RBFOX1: variants seen among roughly 807,000 people sequenced by gnomAD.
RBFOX1 encodes the protein RNA binding fox-1 homolog 1.
RBFOX1 carries 8 observed loss-of-function variants against 57.7 expected under a neutral mutation model. That is an observed-to-expected ratio of 0.14 (90% CI 0.08 to 0.25). The LOEUF is 0.25. Ranked by LOEUF, RBFOX1 falls within the 10% of genes least tolerant of loss-of-function variation. RBFOX1 has a pLI of 1.00. For missense variants in RBFOX1, 611 were observed against 548.5 expected (o/e 1.11, Z -1.14); for synonymous variants, 326 against 222.4 (o/e 1.47, Z -4.15).
intron 1 of RBFOX1, among the ~76,000 whole-genome samples, chr16:6,222,368 C>G (rs986170417): frequency 6.6e-6 from 1 of 151,904 alleles, no homozygotes; most frequent in South Asian, 2.1e-4. Flanking sequence ...TTTCTGGAGA[C>G]AAAAACATAA....
chr16:6,937,837 C>G (rs966786001), intron 3 of RBFOX1, among the ~76,000 whole-genome samples: 1 of 151,674 alleles, frequency 6.6e-6, no homozygotes, highest in East Asian at 1.9e-4. Context: ...GACTTAAGGT[C>G]TGTGTTGATG....
chr16:5,644,848 C>A (rs1215887499), intron 3 of RBFOX1, among the ~76,000 whole-genome samples: 1 of 152,110 alleles, frequency 6.6e-6, no homozygotes, highest in East Asian at 1.9e-4. Flanking sequence ...CCGCCATGAA[C>A]GTTCATGTGC....
Position 6,998,498 on chromosome 16 carries a change from A to C in RBFOX1, c.-15-53559A>C, listed in dbSNP as rs569832447. On this transcript the variant is annotated intron_variant, in intron 3 of 15. Coordinates refer to ENST00000550418, the MANE Select transcript of RBFOX1 (RefSeq NM_018723.4). ...AAAAGATGATGTCAGAGCTCTTGGC[A>C]ATGACTTGGCCCTACCAGAAGCAAG... Among the ~76,000 whole-genome samples the C allele has an allele frequency of 2.6e-5, 4 of 152,310 alleles. No homozygotes were observed. The South Asian group carries it at 8.3e-4, about 32-fold the overall frequency.
chr16:7,635,381 C>T (rs181772260), intron 11 of RBFOX1, among the ~76,000 whole-genome samples: 1 of 152,130 alleles, frequency 6.6e-6, no homozygotes, highest in Non-Finnish European at 1.5e-5. Flanking sequence ...TTTTAAATTA[C>T]AATAGTAACA....
rs1251343536 is a variant in RBFOX1 at position 7,265,958 on chromosome 16, G to T, written c.27+213860G>T. 1.2e-4 allele frequency among the ~76,000 whole-genome samples: 13 copies of T among 107,596 alleles called. 1 individual carries two copies. Among genetic ancestry groups the T allele is most frequent in the Admixed American group, 1.9e-4 (2 of 10,474 alleles). The allele number at this position is 107,596 out of a possible 152,430, so 70.6% of individuals were successfully genotyped here. On this transcript the variant is annotated intron_variant, in intron 4 of 15. Coordinates refer to ENST00000550418, the MANE Select transcript of RBFOX1 (RefSeq NM_018723.4). ...GTGAGTGAGTTATGAGATCTGGTGG[G>T]TTTTTGTTTTTTTTTTTTTTTTTTT...
intron 4 of RBFOX1, among the ~76,000 whole-genome samples, chr16:7,352,973 C>A (rs2097154478): frequency 6.6e-6 from 1 of 152,076 alleles, no homozygotes; most frequent in African/African-American, 2.4e-5. Flanking sequence ...GGCTTGGCCT[C>A]CCAAAGTGCT....
At chr16:5,764,548 T>C (rs1361871038) in intron 3 of RBFOX1, among the ~76,000 whole-genome samples, 1 of 152,218 alleles carries the variant, frequency 6.6e-6, no homozygotes, top group Admixed American at 6.5e-5. Context: ...CCCTGATTTC[T>C]CTAAGATGCT....
intron 3 of RBFOX1, among the ~76,000 whole-genome samples, chr16:6,938,914 A>G (rs1164678391): frequency 1.3e-5 from 2 of 152,228 alleles, no homozygotes; most frequent in East Asian, 1.9e-4. Context: ...CCTGGGTGAC[A>G]TAGTGAGAGT....
chr16:7,011,759 C>T (rs1004107301), intron 3 of RBFOX1, among the ~76,000 whole-genome samples: 2 of 152,196 alleles, frequency 1.3e-5, no homozygotes, highest in African/African-American at 4.8e-5. Flanking sequence ...CGTGATCCGC[C>T]TGCCTTGGCC....
chr16:7,561,308 A>G (rs1045188582), intron 5 of RBFOX1, among the ~76,000 whole-genome samples: 2 of 152,212 alleles, frequency 1.3e-5, no homozygotes, highest in African/African-American at 4.8e-5. Context: ...ATGATGCCCA[A>G]CTATTCACTC....
At chr16:6,325,829 A>G (rs2082309560) in intron 2 of RBFOX1, among the ~76,000 whole-genome samples, 1 of 152,212 alleles carries the variant, frequency 6.6e-6, no homozygotes, top group African/African-American at 2.4e-5. Context: ...ATTTTCCTAA[A>G]ATATATGCCT....
chr16:7,019,773 C>T (rs906424830), intron 3 of RBFOX1, among the ~76,000 whole-genome samples: 1 of 152,186 alleles, frequency 6.6e-6, no homozygotes, highest in African/African-American at 2.4e-5. Context: ...CCAGGTTTAG[C>T]TTGTACAAGG....
At chr16:6,281,015 G>T (rs1284202470) in intron 1 of RBFOX1, among the ~76,000 whole-genome samples, 1 of 150,412 alleles carries the variant, frequency 6.6e-6, no homozygotes, top group East Asian at 2.0e-4. Flanking sequence ...ATATATATAT[G>T]TATTACATAT....
intron 4 of RBFOX1, among the ~76,000 whole-genome samples, chr16:7,444,895 G>A (rs2098796532): frequency 6.6e-6 from 1 of 152,148 alleles, no homozygotes; most frequent in Admixed American, 6.5e-5. Context: ...TAGATAGACA[G>A]TTACTACGCG....
intron 2 of RBFOX1, among the ~76,000 whole-genome samples, chr16:6,649,059 T>C (rs1451523778): frequency 6.6e-6 from 1 of 152,208 alleles, no homozygotes; most frequent in Non-Finnish European, 1.5e-5. Flanking sequence ...TTATTCCTCC[T>C]GTCTCACTGA....
intron 1 of RBFOX1, among the ~76,000 whole-genome samples, chr16:6,281,056 C>A (rs1160306115): frequency 6.6e-6 from 1 of 151,640 alleles, no homozygotes; most frequent in African/African-American, 2.4e-5. Flanking sequence ...TGCAGGTCTG[C>A]TTTGGAGATG....
intron 3 of RBFOX1, among the ~76,000 whole-genome samples, chr16:5,719,420 C>T (rs1227051174): frequency 2.0e-5 from 3 of 151,628 alleles, no homozygotes; most frequent in African/African-American, 4.9e-5. Flanking sequence ...CCATGTTCGC[C>T]AGGATGGTCT....
chr16:6,601,588 C>G (rs1601154729), intron 2 of RBFOX1, among the ~76,000 whole-genome samples: 3 of 152,114 alleles, frequency 2.0e-5, no homozygotes, highest in Admixed American at 2.0e-4. Context: ...TGTAAAAGGA[C>G]CACTGTTCCT....
intron 4 of RBFOX1, among the ~76,000 whole-genome samples, chr16:7,341,212 C>A (rs774633761): frequency 6.6e-6 from 1 of 152,128 alleles, no homozygotes; most frequent in African/African-American, 2.4e-5. Context: ...CTGCTGAGCC[C>A]TAAGAGATGC....
Sources: allele counts gnomAD v4.1 joint callset (sites outside exome capture counted in the v4.1 genomes callset), GRCh38; gene constraint gnomAD v4.1.1; transcripts MANE v1.5; gene names NCBI Gene and HGNC (gene_info 2026-07-23, HGNC 2026-07-21).